Variants in ACTR3C observed in about 807,000 individuals in gnomAD.
ACTR3C encodes actin-related protein 3C.
In ACTR3C, 18 loss-of-function variants were observed where a neutral mutation model predicts 26.3. The ratio of observed to expected loss-of-function variants is 0.68; its 90% CI spans 0.47 to 1.01. The LOEUF is 1.01. Ranked by LOEUF, ACTR3C falls within the 50% of genes least tolerant of loss-of-function variation. The pLI, the probability that ACTR3C is intolerant of heterozygous loss-of-function variation, is 0.00. For missense variants in ACTR3C, 184 were observed against 250.7 expected, an observed-to-expected ratio of 0.73 and a Z score of 1.80; for synonymous variants, 55 against 94.5, an observed-to-expected ratio of 0.58 and a Z score of 2.42.
chr7:150,161,340 A>T, the ACTR3C span, among the ~76,000 whole-genome samples: 3 of 151,006 alleles, frequency 2.0e-5, no homozygotes, highest in African/African-American at 7.3e-5. Context: ...CATTAGGTAT[A>T]TCTCCTAATG....
At chr7:150,237,252 C>G in the ACTR3C span, among the ~76,000 whole-genome samples, 4 of 152,208 alleles carry the variant, frequency 2.6e-5, no homozygotes, top group Non-Finnish European at 4.4e-5. Context: ...CTGCCCATAT[C>G]CTCTTGGCAC....
At chr7:150,152,895 C>T in the ACTR3C span, among the ~76,000 whole-genome samples, 2 of 152,118 alleles carry the variant, frequency 1.3e-5, no homozygotes, top group Admixed American at 1.3e-4. Flanking sequence ...GGAATTTATC[C>T]ATTTCTTCTA....
At chr7:150,220,989 G>T in the ACTR3C span, among the ~76,000 whole-genome samples, 1 of 152,284 alleles carries the variant, frequency 6.6e-6, no homozygotes, top group Non-Finnish European at 1.5e-5. Flanking sequence ...TCGGGAGGTG[G>T]CATAAGAGGT....
At chr7:150,318,382 G>A (rs60467296) in intron 1 of ACTR3C, among the ~76,000 whole-genome samples, 39,462 of 152,092 alleles carry the variant, frequency 0.26, 5,318 homozygotes, top group East Asian at 0.42. Flanking sequence ...AGAACCGTGA[G>A]ACAATACATT....
At chr7:149,897,699 G>C in the ACTR3C span, among the ~76,000 whole-genome samples, 21 of 152,106 alleles carry the variant, frequency 1.4e-4, no homozygotes, top group African/African-American at 5.1e-4. Flanking sequence ...AACCCCATCT[G>C]TTCTTAAAAT....
chr7:150,071,051 C>T, the ACTR3C span, among the ~76,000 whole-genome samples: 59 of 150,860 alleles, frequency 3.9e-4, no homozygotes, highest in African/African-American at 1.4e-3. Context: ...ACCTCAGCCT[C>T]CCAAAGTGCT....
chr7:150,224,793 C>T, the ACTR3C span, among the ~76,000 whole-genome samples: 23 of 152,224 alleles, frequency 1.5e-4, no homozygotes, highest in Non-Finnish European at 1.5e-5. Context: ...CGTTTGCATA[C>T]ATTTTTAACA....
chr7:150,082,947 C>CTTTTTTTTTTTTTTTTTTTTTTTTTTT, the ACTR3C span, among the ~76,000 whole-genome samples: 6 of 108,538 alleles, frequency 5.5e-5, no homozygotes, highest in Non-Finnish European at 7.2e-5. Flanking sequence ...TTTTTTTTTT[C>CTTTTTTTTTTTTTTTTTTTTTTTTTTT]TTTTTTTTTT....
the ACTR3C span, among the ~76,000 whole-genome samples, chr7:150,060,591 A>G: frequency 6.6e-6 from 1 of 152,198 alleles, no homozygotes; most frequent in African/African-American, 2.4e-5. Flanking sequence ...CCGAACAAAC[A>G]ACAGCAAAGC....
chr7:150,047,649 C>T, the ACTR3C span: 7 of 1,037,856 alleles, frequency 6.7e-6, no homozygotes, highest in South Asian at 1.8e-4. Context: ...GTACTGGAAC[C>T]GGGGCCGGCC....
the ACTR3C span, among the ~76,000 whole-genome samples, chr7:149,943,542 C>G: frequency 6.6e-6 from 1 of 151,476 alleles, no homozygotes; most frequent in Admixed American, 6.6e-5. Context: ...GCCTGACCAA[C>G]ATGGTGAAAC....
At chr7:150,224,227 A>G in the ACTR3C span, among the ~76,000 whole-genome samples, 1 of 152,316 alleles carries the variant, frequency 6.6e-6, no homozygotes, top group African/African-American at 2.4e-5. Context: ...TGCCAGGTGG[A>G]TGGGATTGTT....
chr7:150,251,355 T>A (rs1832842483), intron 6 of ACTR3C, among the ~76,000 whole-genome samples: 1 of 152,210 alleles, frequency 6.6e-6, no homozygotes, highest in Non-Finnish European at 1.5e-5. Flanking sequence ...TTAACTGCGT[T>A]TTTTTCCTAT....
At chr7:149,885,104 C>T in the ACTR3C span, among the ~76,000 whole-genome samples, 14 of 152,262 alleles carry the variant, frequency 9.2e-5, no homozygotes, top group South Asian at 1.2e-3. Flanking sequence ...CAGATGCTAG[C>T]AGAACCCCTC....
chr7:150,078,670 T>A, the ACTR3C span, among the ~76,000 whole-genome samples: 24 of 152,222 alleles, frequency 1.6e-4, no homozygotes, highest in African/African-American at 5.8e-4. Flanking sequence ...ATTCTGGATA[T>A]CAACTTGACC....
At chr7:150,110,369 G>C in the ACTR3C span, among the ~76,000 whole-genome samples, 1 of 150,438 alleles carries the variant, frequency 6.6e-6, no homozygotes, top group Non-Finnish European at 1.5e-5. Flanking sequence ...CTGGTAGTCA[G>C]GGGCAAGACC....
intron 6 of ACTR3C, among the ~76,000 whole-genome samples, chr7:150,280,983 G>C (rs1170732428): frequency 6.6e-6 from 1 of 152,234 alleles, no homozygotes; most frequent in Non-Finnish European, 1.5e-5. Context: ...CAGAGGGAGA[G>C]AGACGACCTC....
the ACTR3C span, among the ~76,000 whole-genome samples, chr7:150,086,663 G>C: frequency 6.6e-6 from 1 of 152,230 alleles, no homozygotes; most frequent in Non-Finnish European, 1.5e-5. Context: ...CATGATGAGA[G>C]AGCCTGGGAG....
the ACTR3C span, among the ~76,000 whole-genome samples, chr7:149,971,338 T>C: frequency 0.017 from 2,590 of 152,190 alleles, 69 homozygotes; most frequent in African/African-American, 0.058. Context: ...GCCCTACCGA[T>C]GGGGTGTTAG....
Sources: allele counts gnomAD v4.1 joint callset (sites outside exome capture counted in the v4.1 genomes callset), GRCh38; gene constraint gnomAD v4.1.1; transcripts MANE v1.5; gene names NCBI Gene and HGNC (gene_info 2026-07-23, HGNC 2026-07-21).